USP31: variants seen among roughly 807,000 people sequenced by gnomAD.
USP31 encodes the protein ubiquitin specific peptidase 31, also known as ubiquitin carboxyl-terminal hydrolase 31.
In USP31, 44 loss-of-function variants were observed where a neutral mutation model predicts 119.4. The observed-to-expected ratio is 0.37, with a 90% confidence interval of 0.29 to 0.47. The LOEUF (loss-of-function observed/expected upper bound fraction) is 0.47, where lower values mean the gene tolerates loss of function less well. Ranked by LOEUF, USP31 falls within the 20% of genes least tolerant of loss-of-function variation. The pLI, the probability that USP31 is intolerant of heterozygous loss-of-function variation, is 0.99. For missense variants in USP31, 1,643 were observed against 1,730.2 expected (o/e 0.95, Z 0.89); for synonymous variants, 749 against 705.6 (o/e 1.06, Z -0.97).
intron 1 of USP31, among the ~76,000 whole-genome samples, chr16:23,124,788 C>T (rs1432504923): frequency 2.0e-5 from 3 of 152,132 alleles, no homozygotes; most frequent in African/African-American, 7.2e-5. Flanking sequence ...ACTTGGGAGG[C>T]TGAGGCAGGA....
At chr16:23,134,850 A>G (rs1184319324) in intron 1 of USP31, among the ~76,000 whole-genome samples, 1 of 151,714 alleles carries the variant, frequency 6.6e-6, no homozygotes, top group African/African-American at 2.4e-5. Context: ...TGAGGGAAAT[A>G]TTTTTATCAA....
chr16:23,077,924 G>A (rs976571680), intron 13 of USP31, among the ~76,000 whole-genome samples: 2 of 152,114 alleles, frequency 1.3e-5, no homozygotes, highest in East Asian at 1.9e-4. Context: ...AATGTTACAC[G>A]AAAAGTTAAA....
intron 1 of USP31, among the ~76,000 whole-genome samples, chr16:23,137,153 C>G (rs1289948538): frequency 1.3e-5 from 2 of 152,120 alleles, no homozygotes; most frequent in Non-Finnish European, 2.9e-5. Flanking sequence ...GTTGAGGATG[C>G]AGTGAGCCAT....
At chr16:23,072,262 C>T in intron 14 of USP31, 65 bp from the exon 15 acceptor site, 5 of 1,553,066 alleles carry the variant, frequency 3.2e-6, no homozygotes, top group Non-Finnish European at 4.3e-6. Context: ...GAGCCACACA[C>T]ACCCTCATGA....
chr16:23,101,751 C>G (rs993688375), intron 6 of USP31, among the ~76,000 whole-genome samples: 1 of 152,002 alleles, frequency 6.6e-6, no homozygotes, highest in African/African-American at 2.4e-5. Flanking sequence ...CTTGGTAACT[C>G]TTAAAATCAG....
intron 1 of USP31, among the ~76,000 whole-genome samples, chr16:23,111,647 G>C (rs182635145): frequency 2.2e-4 from 33 of 152,290 alleles, no homozygotes; most frequent in African/African-American, 7.2e-4. Flanking sequence ...CTAAGGCTGA[G>C]AGTGCTCAGA....
At chr16:23,093,613 C>G (rs1013264870) in intron 6 of USP31, among the ~76,000 whole-genome samples, 2 of 152,212 alleles carry the variant, frequency 1.3e-5, no homozygotes, top group Non-Finnish European at 1.5e-5. Flanking sequence ...CTGTGGAAAA[C>G]AGTTTGGCAA....
chr16:23,118,076 A>G lies in USP31; in HGVS notation c.634-9893T>C, dbSNP rs1047024685. ...AGTGCTGGGATTACAGGTGTCAGTC[A>G]CTGCACCCGAACTTTCTACCATTTT... On this transcript the variant is annotated intron_variant, in intron 1 of 15. Coordinates refer to ENST00000219689, the MANE Select transcript of USP31 (RefSeq NM_020718.4). 2.6e-5 allele frequency among the ~76,000 whole-genome samples: 4 copies of G among 152,246 alleles called. 1 individual carries two copies. The highest frequency in any genetic ancestry group is 6.8e-3 in the Middle Eastern group (2 of 294).
chr16:23,077,738 G>A (rs755973045), intron 13 of USP31, among the ~76,000 whole-genome samples: 2 of 152,104 alleles, frequency 1.3e-5, no homozygotes, highest in South Asian at 2.1e-4. Context: ...ACACTCACAC[G>A]GATAATCAAA....
rs1322022632 is a variant in USP31, at chr16:23,085,602, G to C, written c.1683C>G (p.Asp561Glu). The C allele has an allele frequency of 1.9e-6, 3 of 1,613,842 alleles. No individual in the cohort carries two copies. Among genetic ancestry groups the C allele is most frequent in the Non-Finnish European group, 2.5e-6 (3 of 1,179,896 alleles). Reference protein sequence around the residue: ...TAHVKLVVEWDKETRDFLFVN... With the variant: ...TAHVKLVVEWEKETRDFLFVN... Reference sequence around the variant, plus strand: ...ATACTCACAAATCTCTTGTCTCCTTGTCCCACTCGACTACTAATTTCACAT... The same window carrying C: ...ATACTCACAAATCTCTTGTCTCCTTCTCCCACTCGACTACTAATTTCACAT... Residue 561 changes from aspartate to glutamate, a missense_variant, in exon 10 of 16, where the codon GAC (aspartate) becomes GAG (glutamate). Coordinates refer to ENST00000219689, the MANE Select transcript of USP31 (RefSeq NM_020718.4).
chr16:23,143,587 G>A (rs969135526), intron 1 of USP31, among the ~76,000 whole-genome samples: 8 of 130,730 alleles, frequency 6.1e-5, no homozygotes, highest in African/African-American at 1.6e-4. Context: ...GGAGAGGTTG[G>A]GGGGGGGGAG....
chr16:23,106,408 G>T lies in USP31; in HGVS notation c.851C>A (p.Ala284Glu). ...TCCGATTTTCTCATACCTGTATTGC[G>T]CTTGAAAGAGTTCTTGTACAAAAGT... ...CSTFVQELFQ[A>E]QYRSSLTCPH... Residue 284 changes from alanine to glutamate, a missense_variant, in exon 3 of 16, where the codon GCG becomes GAG. This residue lies in a region of USP31 where 144 missense variants were observed against 218.0 expected (regional missense o/e 0.66). Coordinates refer to ENST00000219689, the MANE Select transcript of USP31 (RefSeq NM_020718.4). 1.2e-6 allele frequency: 2 copies of T among 1,613,740 alleles called. No homozygotes were observed. The highest frequency in any genetic ancestry group is 1.7e-6 in the Non-Finnish European group (2 of 1,179,854).
chr16:23,070,968 C>G (rs1362718119), intron 15 of USP31, among the ~76,000 whole-genome samples: 1 of 152,076 alleles, frequency 6.6e-6, no homozygotes, highest in African/African-American at 2.4e-5. Context: ...CTGAGGCAAA[C>G]CTTATTGAGG....
intron 1 of USP31, among the ~76,000 whole-genome samples, chr16:23,131,541 G>C (rs1903030762): frequency 6.6e-6 from 1 of 152,054 alleles, no homozygotes; most frequent in African/African-American, 2.4e-5. Flanking sequence ...AATGTTGTTG[G>C]GGACAGGATC....
At chr16:23,087,550 A>G (rs1338005916) in intron 8 of USP31, among the ~76,000 whole-genome samples, 174 bp downstream of exon 8, 3 of 152,236 alleles carry the variant, frequency 2.0e-5, no homozygotes, top group Non-Finnish European at 2.9e-5. Flanking sequence ...AATATTATAA[A>G]GGAATATGCA....
At chr16:23,124,928 G>A (rs929060751) in intron 1 of USP31, among the ~76,000 whole-genome samples, 3 of 152,166 alleles carry the variant, frequency 2.0e-5, no homozygotes, top group African/African-American at 4.8e-5. Flanking sequence ...GAGTATCTAC[G>A]CATCAAAGGC....
chr16:23,135,352 C>A (rs1903157955), intron 1 of USP31, among the ~76,000 whole-genome samples: 1 of 150,776 alleles, frequency 6.6e-6, no homozygotes, highest in Non-Finnish European at 1.5e-5. Flanking sequence ...AGCAATTAGG[C>A]AAGAAAAAGA....
At chr16:23,092,232 T>A (rs1204414347) in intron 6 of USP31, among the ~76,000 whole-genome samples, 1 of 152,238 alleles carries the variant, frequency 6.6e-6, no homozygotes, top group Non-Finnish European at 1.5e-5. Flanking sequence ...TAAGGCAGTC[T>A]CTGGCTAGAA....
At chr16:23,110,544 A>G (rs1257939460) in intron 1 of USP31, among the ~76,000 whole-genome samples, 2 of 152,194 alleles carry the variant, frequency 1.3e-5, no homozygotes, top group Non-Finnish European at 2.9e-5. Flanking sequence ...ATGAAACAGT[A>G]AAGTCAGAGG....
Sources: allele counts gnomAD v4.1 joint callset (sites outside exome capture counted in the v4.1 genomes callset), GRCh38; gene constraint gnomAD v4.1.1; regional missense constraint gnomAD v4.1.1; transcripts MANE v1.5; gene names NCBI Gene and HGNC (gene_info 2026-07-23, HGNC 2026-07-21).